Variants in SLC4A4 observed in about 807,000 individuals in gnomAD.
The protein encoded by SLC4A4 is solute carrier family 4 member 4.
SLC4A4 carries 27 observed loss-of-function variants against 111.5 expected under a neutral mutation model. That is an observed-to-expected ratio of 0.24 (90% CI 0.18 to 0.33). The LOEUF (loss-of-function observed/expected upper bound fraction) is 0.33, where lower values mean the gene tolerates loss of function less well. SLC4A4 is among the 10% of genes least tolerant of loss of function. The pLI is 1.00. For synonymous variants in SLC4A4, 443 were observed against 463.4 expected, an observed-to-expected ratio of 0.96 and a Z score of 0.57; for missense variants, 909 against 1,315.5, an observed-to-expected ratio of 0.69 and a Z score of 4.78.
rs1416565467 is a variant in SLC4A4, at chr4:71,362,433, A to T, written c.730+5246A>T. Among the ~76,000 whole-genome samples the T allele has an allele frequency of 2.0e-5, 3 of 152,236 alleles. No homozygotes were observed. The East Asian group carries it at 5.8e-4, about 29-fold the overall frequency. ...AAATGTATAAAATGTTTAGAGTGGT[A>T]ACTGGCACATAGTAATCACTCCACA... On this transcript the variant is annotated intron_variant, in intron 6 of 25. Coordinates refer to ENST00000264485, the MANE Select transcript of SLC4A4 (RefSeq NM_001098484.3).
chr4:71,178,679 C>T (rs1447964747), intron 2 of SLC4A4, among the ~76,000 whole-genome samples: 2 of 152,154 alleles, frequency 1.3e-5, no homozygotes, highest in African/African-American at 2.4e-5. Flanking sequence ...TCTGAATAGA[C>T]CAATAACAGG....
At chr4:71,327,764 G>A (rs1282967749) in intron 3 of SLC4A4, among the ~76,000 whole-genome samples, 3 of 151,808 alleles carry the variant, frequency 2.0e-5, no homozygotes, top group African/African-American at 7.3e-5. Flanking sequence ...GGCAGACAGT[G>A]CATAATAATC....
At chr4:71,141,699 C>T (rs1415330588) in intron 2 of SLC4A4, among the ~76,000 whole-genome samples, 2 of 152,160 alleles carry the variant, frequency 1.3e-5, no homozygotes, top group African/African-American at 2.4e-5. Flanking sequence ...TTGTCAAGAA[C>T]CTTGTTTGCC....
At chr4:71,233,061 A>G (rs958772794) in intron 1 of SLC4A4, among the ~76,000 whole-genome samples, 2 of 152,202 alleles carry the variant, frequency 1.3e-5, no homozygotes, top group South Asian at 2.1e-4. Context: ...ATCCTTATCT[A>G]TGTCTACAAA....
At chr4:71,188,863 G>A (rs959116504) in intron 1 of SLC4A4, among the ~76,000 whole-genome samples, 18 of 152,058 alleles carry the variant, frequency 1.2e-4, no homozygotes, top group Admixed American at 2.0e-4. Flanking sequence ...AAGTGTGCCT[G>A]TTTATTTTTC....
chr4:71,537,963 T>C (rs984509077), intron 18 of SLC4A4, among the ~76,000 whole-genome samples: 1 of 152,136 alleles, frequency 6.6e-6, no homozygotes, highest in African/African-American at 2.4e-5. Context: ...TGTATCCAAT[T>C]GTTCCTCTTT....
At chr4:71,175,006 T>C (rs917442918) in intron 2 of SLC4A4, among the ~76,000 whole-genome samples, 4 of 152,244 alleles carry the variant, frequency 2.6e-5, no homozygotes, top group African/African-American at 9.6e-5. Context: ...GACATTCTAG[T>C]CTTGTCACTG....
At chr4:71,413,322 C>G (rs375567750) in intron 7 of SLC4A4, among the ~76,000 whole-genome samples, 21 of 152,226 alleles carry the variant, frequency 1.4e-4, no homozygotes, top group African/African-American at 4.8e-4. Context: ...AATTGTTTCC[C>G]AGCTTATAGT....
chr4:71,411,209 C>G (rs1358002667), intron 7 of SLC4A4, among the ~76,000 whole-genome samples: 1 of 152,190 alleles, frequency 6.6e-6, no homozygotes, highest in Non-Finnish European at 1.5e-5. Context: ...TGGTATTCTT[C>G]CAGTTTCACT....
At chr4:71,420,390 G>C (rs1486005939) in intron 7 of SLC4A4, among the ~76,000 whole-genome samples, 2 of 152,144 alleles carry the variant, frequency 1.3e-5, no homozygotes, top group Non-Finnish European at 2.9e-5. Context: ...GGGGAGAATG[G>C]AACCAAGTTG....
At chr4:71,192,341 C>G (rs562712973) in intron 1 of SLC4A4, among the ~76,000 whole-genome samples, 1 of 152,126 alleles carries the variant, frequency 6.6e-6, no homozygotes, top group African/African-American at 2.4e-5. Flanking sequence ...AAAGTAAATA[C>G]ATTAAAAAGA....
chr4:71,441,137 A>G (rs2149059077), intron 8 of SLC4A4, among the ~76,000 whole-genome samples: 1 of 152,308 alleles, frequency 6.6e-6, no homozygotes, highest in Admixed American at 6.5e-5. Context: ...TTCAGAGGTC[A>G]TAGTTGCTTT....
intron 16 of SLC4A4, 152 bp downstream of exon 16, chr4:71,497,844 A>G: frequency 1.4e-6 from 1 of 697,928 alleles, no homozygotes; most frequent in East Asian, 2.7e-5. Flanking sequence ...GTTCATGTGC[A>G]TACTTATTAA....
In SLC4A4 at chr4:71,387,666, A is replaced by G. The variant is rs60490167; in HGVS notation, c.731-9911A>G. On this transcript the variant is annotated intron_variant, in intron 6 of 25. Transcript: ENST00000264485. ...TGCACCACCACGCCTGGCTAATTTTATATTTTTAGTAGAGACGGAGTTTCT... is the reference window on the plus strand; with the variant it reads ...TGCACCACCACGCCTGGCTAATTTTGTATTTTTAGTAGAGACGGAGTTTCT... Among the ~76,000 whole-genome samples the G allele has an allele frequency of 8.0e-3, 1,210 of 151,958 alleles. 17 individuals are homozygous for G. The highest frequency in any genetic ancestry group is 0.026 in the African/African-American group (1,064 of 41,452).
intron 24 of SLC4A4, 61 bp downstream of exon 24, chr4:71,563,950 A>C (rs1224029174): frequency 2.1e-5 from 22 of 1,071,606 alleles, no homozygotes; most frequent in Non-Finnish European, 3.1e-5. Context: ...CAGAGAAAAC[A>C]CTTTAGAATG....
At chr4:71,423,667 A>G (rs930147160) in intron 7 of SLC4A4, among the ~76,000 whole-genome samples, 7 of 152,210 alleles carry the variant, frequency 4.6e-5, no homozygotes, top group Admixed American at 3.9e-4. Context: ...AACAGAACAG[A>G]GCCCTCAGAA....
chr4:71,295,804 G>A (rs1319208894), intron 3 of SLC4A4, among the ~76,000 whole-genome samples: 4 of 151,876 alleles, frequency 2.6e-5, no homozygotes, highest in Non-Finnish European at 5.9e-5. Context: ...GATTATAGAC[G>A]CACACCACCA....
intron 2 of SLC4A4, among the ~76,000 whole-genome samples, chr4:71,159,966 A>T (rs1347963203): frequency 6.6e-6 from 1 of 152,182 alleles, no homozygotes; most frequent in Non-Finnish European, 1.5e-5. Context: ...GAAAAGAAAG[A>T]TGTGTATTTC....
rs116090818 is a variant in SLC4A4, at chr4:71,502,782, G to A, written c.2166+5090G>A. On this transcript the variant is annotated intron_variant, in intron 16 of 25. Coordinates refer to ENST00000264485, the MANE Select transcript of SLC4A4 (RefSeq NM_001098484.3). ...TGTCCTGGAGAATGTTACAAATGCA[G>A]TTGAGAAGAATGTGTATTCTGTAGC... Among the ~76,000 whole-genome samples the A allele has an allele frequency of 6.3e-3, 957 of 152,286 alleles. 15 individuals carry two copies. The highest frequency in any genetic ancestry group is 0.021 in the African/African-American group (887 of 41,552).
Sources: allele counts gnomAD v4.1 joint callset (sites outside exome capture counted in the v4.1 genomes callset), GRCh38; gene constraint gnomAD v4.1.1; transcripts MANE v1.5; gene names NCBI Gene and HGNC (gene_info 2026-07-23, HGNC 2026-07-21).